SOS2: variants seen among roughly 807,000 people sequenced by gnomAD.
The protein encoded by SOS2 is SOS Ras/Rho guanine nucleotide exchange factor 2.
Under a neutral mutation model 148.2 loss-of-function variants are expected in SOS2, and 65 were observed. The ratio of observed to expected loss-of-function variants is 0.44; its 90% confidence interval spans 0.36 to 0.54. The LOEUF (loss-of-function observed/expected upper bound fraction) is 0.54, where lower values mean the gene tolerates loss of function less well. Ranked by LOEUF, SOS2 falls within the 20% of genes least tolerant of loss-of-function variation. The pLI, the probability that SOS2 is intolerant of heterozygous loss-of-function variation, is 0.00. For synonymous variants in SOS2, 539 were observed against 537.1 expected, an observed-to-expected ratio of 1.00 and a Z score of -0.05; for missense variants, 1,341 against 1,590.2, an observed-to-expected ratio of 0.84 and a Z score of 2.67.
chr14:50,208,883 A>AT (rs1157337732), intron 1 of SOS2, among the ~76,000 whole-genome samples: 1 of 152,196 alleles, frequency 6.6e-6, no homozygotes, highest in Non-Finnish European at 1.5e-5. Flanking sequence ...GTGATGGTTA[A>AT]TTTTGGGGTG....
intron 14 of SOS2, among the ~76,000 whole-genome samples, 189 bp downstream of exon 14, chr14:50,149,819 C>T (rs1195677604): frequency 6.6e-6 from 1 of 151,980 alleles, no homozygotes; most frequent in Non-Finnish European, 1.5e-5. Flanking sequence ...TTGCTAGTCC[C>T]CAGTCTAGAC....
At chr14:50,127,138 CTTTTT>C (rs5808538) in intron 21 of SOS2, among the ~76,000 whole-genome samples, 1 of 105,316 alleles carries the variant, frequency 9.5e-6, no homozygotes, top group Admixed American at 1.1e-4. Flanking sequence ...AGAAGGTCTC[CTTTTT>C]TTTTTTTTTT....
intron 8 of SOS2, among the ~76,000 whole-genome samples, chr14:50,172,340 A>T (rs778419921): frequency 9.9e-5 from 15 of 151,852 alleles, no homozygotes; most frequent in Non-Finnish European, 1.6e-4. Context: ...TGCATTAATT[A>T]AAACTGAGTA....
rs1451775249 is a variant in SOS2 at position 50,117,767 on chromosome 14, G to C, written c.*577C>G. On this transcript the variant is annotated 3_prime_UTR_variant, in exon 23 of 23. Coordinates refer to ENST00000216373, the MANE Select transcript of SOS2 (RefSeq NM_006939.4). ...TTTGACAAAATAATAAACACTTACA[G>C]TGCCATTCTATTATTTTCATCCTAC... is the stretch of plus-strand genomic sequence containing the variant. 2 of 152,230 alleles carry C rather than the reference G, an allele frequency of 1.3e-5. No homozygotes were observed. Among genetic ancestry groups the C allele is most frequent in the Non-Finnish European group, 2.9e-5 (2 of 68,110 alleles). 9.4% of individuals were successfully genotyped at this position (152,230 alleles called of 1,614,324 possible).
chr14:50,168,240 G>A (rs1216679796), intron 8 of SOS2, among the ~76,000 whole-genome samples: 1 of 152,164 alleles, frequency 6.6e-6, no homozygotes, highest in African/African-American at 2.4e-5. Flanking sequence ...ATTATTTTCT[G>A]AGATAAGGTC....
chr14:50,133,639 T>TG, intron 19 of SOS2, among the ~76,000 whole-genome samples: 1 of 152,322 alleles, frequency 6.6e-6, no homozygotes, highest in East Asian at 1.9e-4. Context: ...TTTAGCTACT[T>TG]AGAGTTCATC....
chr14:50,229,782 G>C (rs1052567292), intron 1 of SOS2, among the ~76,000 whole-genome samples: 2 of 152,170 alleles, frequency 1.3e-5, no homozygotes, highest in Admixed American at 6.5e-5. Flanking sequence ...ATATACCTGC[G>C]TCACATTGCC....
At chr14:50,214,929 G>A (rs912819760) in intron 1 of SOS2, among the ~76,000 whole-genome samples, 12 of 150,916 alleles carry the variant, frequency 8.0e-5, no homozygotes, top group Admixed American at 1.3e-4. Flanking sequence ...TTCGCCACCC[G>A]GGTTCACGCC....
At chr14:50,208,214 T>C (rs1192945899) in intron 1 of SOS2, among the ~76,000 whole-genome samples, 2 of 151,848 alleles carry the variant, frequency 1.3e-5, no homozygotes, top group African/African-American at 2.4e-5. Flanking sequence ...GGAGAATCGC[T>C]TGAACCCGGG....
rs768766517 is a variant in SOS2 at position 50,172,419 on chromosome 14, C to CTTTTTTTTTTTTTTTTTTTT, written c.1068+2034_1068+2035insAAAAAAAAAAAAAAAAAAAA. Among the ~76,000 whole-genome samples, 28 of 82,762 alleles carry CTTTTTTTTTTTTTTTTTTTT rather than the reference C, an allele frequency of 3.4e-4. 5 individuals carry two copies. The highest frequency in any genetic ancestry group is 1.3e-3 in the East Asian group (3 of 2,224). 54.3% of individuals were successfully genotyped at this position (82,762 alleles called of 152,430 possible). On this transcript the variant is annotated intron_variant, in intron 8 of 22. Coordinates refer to ENST00000216373, the MANE Select transcript of SOS2 (RefSeq NM_006939.4). Reference sequence around the variant, plus strand: ...ATGGGTAGTTTCTCTTTATTCATTCCTTTTTTTTTTTTTTCTGAGATGGAG... The same window carrying CTTTTTTTTTTTTTTTTTTTT: ...ATGGGTAGTTTCTCTTTATTCATTCCTTTTTTTTTTTTTTTTTTTTTTTTTTTTTTTTTTCTGAGATGGAG...
chr14:50,175,362 C>T (rs1885489994), intron 7 of SOS2, among the ~76,000 whole-genome samples: 1 of 152,028 alleles, frequency 6.6e-6, no homozygotes, highest in South Asian at 2.1e-4. Flanking sequence ...TACTATCATC[C>T]CCCTATAACA....
intron 4 of SOS2, among the ~76,000 whole-genome samples, chr14:50,199,490 T>C (rs1018322188): frequency 2.6e-5 from 4 of 152,250 alleles, no homozygotes; most frequent in African/African-American, 9.6e-5. Context: ...AAAAGATTCT[T>C]GACCAAAAAA....
chr14:50,215,552 C>A, intron 1 of SOS2: 2 of 997,122 alleles, frequency 2.0e-6, no homozygotes, highest in South Asian at 1.8e-5. Flanking sequence ...AGTAGATTAA[C>A]AAGTCAGACC....
At chr14:50,150,767 G>C (rs1213710377) in intron 13 of SOS2, among the ~76,000 whole-genome samples, 1 of 151,858 alleles carries the variant, frequency 6.6e-6, no homozygotes, top group Non-Finnish European at 1.5e-5. Flanking sequence ...TTGTCACCCA[G>C]GCTGGAGAAT....
Position 50,182,670 on chromosome 14 carries a change from T to C in SOS2, c.715-64A>G, listed in dbSNP as rs190810985. On this transcript the variant is annotated intron_variant, in intron 5 of 22. Coordinates refer to ENST00000216373, the MANE Select transcript of SOS2 (RefSeq NM_006939.4). The stretch of plus-strand genomic sequence containing the variant: ...AGAATTCTGCTAAAAAATTACTAAA[T>C]ATAAAGAGCAATATAGGCTACTCGA... The C allele has an allele frequency of 5.1e-6, 7 of 1,370,990 alleles. No individual in the cohort carries two copies. In the East Asian group the frequency reaches 1.4e-4, roughly 27 times the overall value. The allele number at this position is 1,370,990 out of a possible 1,614,324, so 84.9% of individuals were successfully genotyped here. A position where few individuals can be genotyped will look rare whatever the true frequency, so the allele number is the denominator to read the frequency against.
chr14:50,202,297 T>C (rs1486152825), intron 2 of SOS2, among the ~76,000 whole-genome samples: 5 of 152,226 alleles, frequency 3.3e-5, no homozygotes, highest in South Asian at 2.1e-4. Context: ...CAGTGATTCA[T>C]TGGCATGAAA....
chr14:50,172,723 T>C (rs1367390253), intron 8 of SOS2, among the ~76,000 whole-genome samples: 2 of 152,144 alleles, frequency 1.3e-5, no homozygotes, highest in Admixed American at 1.3e-4. Context: ...ATAAAGAGTA[T>C]CTGCTGCCTT....
intron 1 of SOS2, among the ~76,000 whole-genome samples, chr14:50,213,539 A>C (rs750894896): frequency 1.3e-5 from 2 of 152,000 alleles, no homozygotes; most frequent in Non-Finnish European, 2.9e-5. Flanking sequence ...GTCTCTACTA[A>C]AAATACAAAA....
At chr14:50,206,081 A>G (rs1886651314) in intron 1 of SOS2, among the ~76,000 whole-genome samples, 1 of 152,044 alleles carries the variant, frequency 6.6e-6, no homozygotes, top group Non-Finnish European at 1.5e-5. Flanking sequence ...CTTTTAAAGA[A>G]CCAACTTTTG....
Sources: gnomAD v4.1 joint callset for allele counts (sites outside exome capture counted in the v4.1 genomes callset) on GRCh38, gnomAD v4.1.1 for gene constraint, MANE v1.5 for transcripts, NCBI Gene and HGNC (gene_info 2026-07-23, HGNC 2026-07-21) for gene names.